Variants in RLF observed in about 807,000 individuals in gnomAD.
The protein encoded by RLF is RLF zinc finger, also known as zinc finger protein Rlf.
A neutral mutation model predicts 162.9 loss-of-function variants in RLF; 7 were observed. The observed-to-expected ratio is 0.04, with a 90% CI of 0.02 to 0.08. RLF has a LOEUF of 0.08. RLF is among the 10% of genes least tolerant of loss of function. RLF has a pLI of 1.00. For synonymous variants in RLF, 782 were observed against 791.5 expected, an observed-to-expected ratio of 0.99 and a Z score of 0.20; for missense variants, 1,664 against 2,244.7, an observed-to-expected ratio of 0.74 and a Z score of 5.23.
At chr1:40,199,093 C>G (rs1413996728) in intron 4 of RLF, among the ~76,000 whole-genome samples, 1 of 152,150 alleles carries the variant, frequency 6.6e-6, no homozygotes, top group Non-Finnish European at 1.5e-5. Flanking sequence ...CTCATGTAAT[C>G]CATGAAACAG....
At chr1:40,187,193 ATC>A (rs145271528) in intron 1 of RLF, among the ~76,000 whole-genome samples, 7,901 of 151,872 alleles carry the variant, frequency 0.052, 595 homozygotes, top group African/African-American at 0.17. Context: ...CACCACGCCC[ATC>A]TCTAATATTT....
Position 40,237,188 on chromosome 1 carries a change from A to G in RLF, c.2486A>G (p.Asn829Ser). ...CACCTCTCAATGCATAATGTTGAAA[A>G]TTCAAATGGAGACATAAAGAAATCA... is the stretch of plus-strand genomic sequence containing the variant. Reference protein sequence around the residue: ...QNHLSMHNVENSNGDIKKSVK... With the variant: ...QNHLSMHNVESSNGDIKKSVK... The change falls in exon 8 of 8, where the codon AAT becomes AGT. Residue 829 changes from asparagine to serine, a missense_variant. Around this residue, in one of 15 missense-constraint regions of RLF, gnomAD observed 295 missense variants for 317.4 expected, o/e 0.93. Transcript: ENST00000372771. The surrounding 1 kb of genome is among the most constrained non-coding windows in gnomAD (Gnocchi z 4.4). The G allele has an allele frequency of 6.2e-7, 1 of 1,614,042 alleles. No individual in the cohort carries two copies. The highest frequency in any genetic ancestry group is 1.1e-5 in the South Asian group (1 of 91,062).
At chr1:40,170,471 A>G (rs1642228811) in intron 1 of RLF, among the ~76,000 whole-genome samples, 1 of 151,994 alleles carries the variant, frequency 6.6e-6, no homozygotes, top group Non-Finnish European at 1.5e-5. Context: ...ACGTTGTCCA[A>G]GCTGGTTTCA....
Position 40,161,781 on chromosome 1 carries a change from G to C in RLF, c.237+145G>C. 1 of 1,215,778 alleles carries C rather than the reference G, an allele frequency of 8.2e-7. No homozygotes were observed. Among genetic ancestry groups the C allele is most frequent in the Non-Finnish European group, 1.1e-6 (1 of 892,946 alleles). 75.3% of individuals were successfully genotyped at this position (1,215,778 alleles called of 1,614,324 possible). ...CCCCCGGGCCGGGAAGGCCCAGCTC[G>C]GAAGCTCGACCGCTGGCCCCCCTGC... is the stretch of plus-strand genomic sequence containing the variant. On this transcript the variant is annotated intron_variant, in intron 1 of 7. Transcript: ENST00000372771. The surrounding 1 kb of genome is among the most constrained non-coding windows in gnomAD (Gnocchi z 4.4).
At chr1:40,174,264 G>C (rs551660674) in intron 1 of RLF, among the ~76,000 whole-genome samples, 1 of 152,174 alleles carries the variant, frequency 6.6e-6, no homozygotes, top group South Asian at 2.1e-4. Context: ...CCAGCTACTC[G>C]GGAGGCTGAG....
At position 40,173,112 on chromosome 1, in the gene RLF, T is replaced by C. The variant is rs1029028390; in HGVS notation, c.237+11476T>C. 7.4e-5 allele frequency among the ~76,000 whole-genome samples: 11 copies of C among 148,278 alleles called. No homozygotes were observed. The East Asian group carries it at 1.9e-3, about 26-fold the overall frequency. On this transcript the variant is annotated intron_variant, in intron 1 of 7. Transcript: ENST00000372771. The stretch of plus-strand genomic sequence containing the variant: ...TTTTTGTGAGGCAGAGTTTTGCTCT[T>C]ATTGCCCAGGCTGGAGTGCAATGGT...
intron 5 of RLF, among the ~76,000 whole-genome samples, chr1:40,220,234 G>T (rs1642974674): frequency 6.6e-6 from 1 of 152,030 alleles, no homozygotes; most frequent in Non-Finnish European, 1.5e-5. Flanking sequence ...TCTCAAAAAA[G>T]AAAAGAAAAA....
rs1040321825 is a variant in RLF, at chr1:40,181,860, C to G, written c.238-7195C>G. 6.6e-5 allele frequency among the ~76,000 whole-genome samples: 10 copies of G among 152,104 alleles called. No individual in the cohort carries two copies. The East Asian group carries it at 1.7e-3, about 26-fold the overall frequency. On this transcript the variant is annotated intron_variant, in intron 1 of 7. Transcript: ENST00000372771. ...CTTAAAAATTATCCACCCAGCAATT[C>G]CATTTATAGGACATTATTATAAGAA...
At position 40,225,349 on chromosome 1, in the gene RLF, CG is replaced by C. The variant is rs1404634986; in HGVS notation, c.947+2642del. ...ATCCCAGCAATTTGGGAGACTGAGG[CG>C]GGTGGATCATTTGAGGTCAGGAGTT... On this transcript the variant is annotated intron_variant, in intron 6 of 7. Coordinates refer to ENST00000372771, the MANE Select transcript of RLF (RefSeq NM_012421.4). Among the ~76,000 whole-genome samples, 6 of 151,996 alleles carry C rather than the reference CG, an allele frequency of 3.9e-5. No individual in the cohort carries two copies. The East Asian group carries it at 1.2e-3, about 30-fold the overall frequency.
chr1:40,207,209 T>C (rs1196718716), intron 5 of RLF, among the ~76,000 whole-genome samples: 4 of 152,204 alleles, frequency 2.6e-5, no homozygotes, highest in African/African-American at 7.2e-5. Context: ...TCAATACTTA[T>C]TGAATGAATT....
At chr1:40,165,522 C>A (rs979424877) in intron 1 of RLF, among the ~76,000 whole-genome samples, 1 of 152,158 alleles carries the variant, frequency 6.6e-6, no homozygotes, top group African/African-American at 2.4e-5. Context: ...GTCATCCCTT[C>A]TGTGAAGCTT....
intron 7 of RLF, among the ~76,000 whole-genome samples, chr1:40,232,939 C>T (rs149205687): frequency 1.4e-4 from 22 of 152,016 alleles, no homozygotes; most frequent in Admixed American, 5.2e-4. Flanking sequence ...GTTCTGAACT[C>T]CTGGCCTCAA....
chr1:40,227,610 C>T (rs1056378600), intron 6 of RLF, among the ~76,000 whole-genome samples: 7 of 152,070 alleles, frequency 4.6e-5, no homozygotes, highest in African/African-American at 1.7e-4. Context: ...CCATAAAATG[C>T]CCATTTTTGA....
intron 1 of RLF, among the ~76,000 whole-genome samples, chr1:40,165,286 A>G (rs1042366198): frequency 2.6e-5 from 4 of 152,178 alleles, no homozygotes; most frequent in Admixed American, 6.5e-5. Flanking sequence ...GAGTCAGTCC[A>G]TGGACCAACA....
chr1:40,176,350 A>G (rs532407352), intron 1 of RLF, among the ~76,000 whole-genome samples: 18 of 152,368 alleles, frequency 1.2e-4, no homozygotes, highest in Non-Finnish European at 1.8e-4. Context: ...CTAGTTTTCT[A>G]TCTCCTCACT....
Position 40,239,001 on chromosome 1 carries a change from T to C in RLF, c.4299T>C (p.Asn1433=), listed in dbSNP as rs1490638141. Residue 1433 remains asparagine, a synonymous_variant, in exon 8 of 8, where the codon AAT becomes AAC. Coordinates refer to ENST00000372771, the MANE Select transcript of RLF (RefSeq NM_012421.4). ...AGCACCACTTGATGGAACAGCATAA[T>C]ATTGAAGGGGAAATACATTCAGATT... ...KLKHHLMEQH[N]IEGEIHSDYE... 6.2e-7 allele frequency: 1 copy of C among 1,614,084 alleles called. No homozygotes were observed. Among genetic ancestry groups the C allele is most frequent in the African/African-American group, 1.3e-5 (1 of 74,946 alleles).
chr1:40,211,258 C>T (rs751476874), intron 5 of RLF, among the ~76,000 whole-genome samples: 4 of 152,228 alleles, frequency 2.6e-5, no homozygotes, highest in Non-Finnish European at 4.4e-5. Flanking sequence ...GTGTTCTACA[C>T]GTGATGAAAC....
intron 1 of RLF, among the ~76,000 whole-genome samples, chr1:40,176,783 C>T (rs1381363039): frequency 6.6e-6 from 1 of 152,054 alleles, no homozygotes; most frequent in Non-Finnish European, 1.5e-5. Flanking sequence ...TGTTTGTTTG[C>T]CATCCTTATA....
In RLF at chr1:40,239,823, T is replaced by C. The variant is rs376750389; in HGVS notation, c.5121T>C (p.Thr1707=). The C allele has an allele frequency of 1.9e-6, 3 of 1,614,054 alleles. No individual in the cohort carries two copies. The South Asian group carries it at 3.3e-5, about 18-fold the overall frequency. ...ATTCCATACCTAATCCCAATGGGAC[T>C]GAAAGTGGGACTTATTTCACAAGTT... The part of the protein sequence containing the change: ...IENSIPNPNG[T]ESGTYFTSFQ... Residue 1707 remains threonine, a synonymous_variant, in exon 8 of 8, where the codon ACT becomes ACC. Coordinates refer to ENST00000372771, the MANE Select transcript of RLF (RefSeq NM_012421.4).
Sources: gnomAD v4.1 joint callset for allele counts (sites outside exome capture counted in the v4.1 genomes callset) on GRCh38, gnomAD v4.1.1 for gene constraint, gnomAD v4.1.1 regional missense constraint, Gnocchi (gnomAD v3.1) non-coding constraint, MANE v1.5 for transcripts, NCBI Gene and HGNC (gene_info 2026-07-23, HGNC 2026-07-21) for gene names.